The following MYO5B variants were observed in gnomAD, a reference collection of about 807,000 sequenced individuals.
MYO5B encodes myosin VB.
A neutral mutation model predicts 229.3 loss-of-function variants in MYO5B; 143 were observed. The observed-to-expected ratio is 0.62, with a 90% CI of 0.54 to 0.72. The LOEUF (loss-of-function observed/expected upper bound fraction) is 0.72, where lower values mean the gene tolerates loss of function less well. MYO5B is among the 30% of genes least tolerant of loss of function. MYO5B has a pLI of 0.00. For missense variants in MYO5B, 2,321 were observed against 2,331.0 expected, an observed-to-expected ratio of 1.00 and a Z score of 0.09; for synonymous variants, 918 against 885.2, an observed-to-expected ratio of 1.04 and a Z score of -0.66.
chr18:50,058,334 G>A (rs945502359), intron 1 of MYO5B, among the ~76,000 whole-genome samples: 20 of 152,252 alleles, frequency 1.3e-4, no homozygotes, highest in Middle Eastern at 3.4e-3. Flanking sequence ...GCCAGATGTG[G>A]TGGTACATGC....
At chr18:50,084,066 A>C (rs2031276294) in intron 1 of MYO5B, among the ~76,000 whole-genome samples, 1 of 152,156 alleles carries the variant, frequency 6.6e-6, no homozygotes, top group Admixed American at 6.5e-5. Flanking sequence ...TATATGAGAG[A>C]ATTCCATGGC....
rs558497341 is a variant in MYO5B at position 49,836,989 on chromosome 18, A to C, written c.5139-104T>G. Reference sequence around the variant, plus strand: ...CAGGCCCGCTGCAGCTAGTGCCATTATTTATCTCACACGGTTAAAAAGCAT... The same window carrying C: ...CAGGCCCGCTGCAGCTAGTGCCATTCTTTATCTCACACGGTTAAAAAGCAT... On this transcript the variant is annotated intron_variant, in intron 37 of 39. Transcript: ENST00000285039. 186 of 1,103,966 alleles carry C rather than the reference A, an allele frequency of 1.7e-4. 3 individuals are homozygous for C. The Middle Eastern group carries it at 2.5e-3, about 15-fold the overall frequency. The allele number at this position is 1,103,966 out of a possible 1,614,324, so 68.4% of individuals were successfully genotyped here. A position where few individuals can be genotyped will look rare whatever the true frequency, so the allele number is the denominator to read the frequency against.
At chr18:50,182,314 G>A (rs1315998939) in intron 1 of MYO5B, among the ~76,000 whole-genome samples, 1 of 152,156 alleles carries the variant, frequency 6.6e-6, no homozygotes, top group East Asian at 1.9e-4. Flanking sequence ...ATCCATACAT[G>A]CCCCCACCTC....
At chr18:49,837,867 C>A in intron 36 of MYO5B, 65 bp from the exon 37 acceptor site, 1 of 1,572,748 alleles carries the variant, frequency 6.4e-7, no homozygotes, top group South Asian at 1.1e-5. Flanking sequence ...TTGGACCACT[C>A]AAATCATTTA....
chr18:49,981,062 G>A (rs2025808924), intron 8 of MYO5B, among the ~76,000 whole-genome samples: 1 of 152,254 alleles, frequency 6.6e-6, no homozygotes, highest in Non-Finnish European at 1.5e-5. Flanking sequence ...CTGGCCCCTG[G>A]CCATCCCCAG....
At chr18:49,871,376 G>A (rs990587317) in intron 27 of MYO5B, among the ~76,000 whole-genome samples, 3 of 152,156 alleles carry the variant, frequency 2.0e-5, no homozygotes, top group Admixed American at 1.3e-4. Flanking sequence ...ATAACATTAT[G>A]AGTGTATTTA....
chr18:50,035,014 C>T, intron 4 of MYO5B, among the ~76,000 whole-genome samples: 1 of 152,134 alleles, frequency 6.6e-6, no homozygotes, highest in East Asian at 1.9e-4. Context: ...ACACCCATCA[C>T]CCCAGACTCC....
At chr18:50,178,445 A>G (rs2033027166) in intron 1 of MYO5B, among the ~76,000 whole-genome samples, 1 of 152,258 alleles carries the variant, frequency 6.6e-6, no homozygotes, top group South Asian at 2.1e-4. Flanking sequence ...CACAGTACTC[A>G]GCAACAGAAA....
Position 49,872,208 on chromosome 18 carries a change from C to A in MYO5B, c.3562G>T (p.Asp1188Tyr), listed in dbSNP as rs201172517. The A allele has an allele frequency of 6.2e-7, 1 of 1,614,026 alleles. No individual in the cohort carries two copies. Among genetic ancestry groups the A allele is most frequent in the Non-Finnish European group, 8.5e-7 (1 of 1,180,010 alleles). ...GCCAGATCTGCATTCGGGTCCAAAT[C>A]TATGTCAGTCTGTGGTGGTTCCGCC... The part of the protein sequence containing the change: ...VQAEPPQTDI[D>Y]LDPNADLAYN... The change falls in exon 27 of 40, where the codon GAT becomes TAT. Residue 1188 changes from aspartate (D) to tyrosine (Y), a missense_variant. Coordinates refer to ENST00000285039, the MANE Select transcript of MYO5B (RefSeq NM_001080467.3).
intron 1 of MYO5B, among the ~76,000 whole-genome samples, chr18:50,173,502 C>T (rs2032949088): frequency 6.6e-6 from 1 of 152,110 alleles, no homozygotes; most frequent in African/African-American, 2.4e-5. Context: ...GCACAGAGAA[C>T]AGACTGGAAG....
intron 12 of MYO5B, among the ~76,000 whole-genome samples, chr18:49,960,072 C>T (rs953266546): frequency 6.6e-5 from 10 of 152,028 alleles, no homozygotes; most frequent in African/African-American, 2.4e-4. Context: ...GGGAGTGCTC[C>T]CTGCACACTC....
intron 1 of MYO5B, among the ~76,000 whole-genome samples, chr18:50,182,916 C>T (rs1029414911): frequency 1.3e-5 from 2 of 152,182 alleles, no homozygotes; most frequent in East Asian, 1.9e-4. Flanking sequence ...CAAAACCCCA[C>T]CCTGGGAACT....
chr18:50,047,391 T>C (rs1435356701), intron 2 of MYO5B, among the ~76,000 whole-genome samples: 2 of 152,154 alleles, frequency 1.3e-5, no homozygotes, highest in African/African-American at 4.8e-5. Context: ...CACAATGAGA[T>C]ACCATCTCAC....
chr18:49,869,178 C>T (rs1414245972), intron 27 of MYO5B, among the ~76,000 whole-genome samples: 1 of 152,180 alleles, frequency 6.6e-6, no homozygotes, highest in East Asian at 1.9e-4. Flanking sequence ...CATCCCTTTG[C>T]ACACTTCAGA....
At chr18:50,179,927 G>T (rs1481976452) in intron 1 of MYO5B, among the ~76,000 whole-genome samples, 1 of 152,176 alleles carries the variant, frequency 6.6e-6, no homozygotes, top group African/African-American at 2.4e-5. Context: ...CATCCTGTTG[G>T]TGGTATCAAT....
At chr18:50,009,095 G>A (rs980715135) in intron 4 of MYO5B, among the ~76,000 whole-genome samples, 27 of 152,166 alleles carry the variant, frequency 1.8e-4, no homozygotes, top group African/African-American at 6.0e-4. Context: ...TAGTATATAT[G>A]TGCCGAGCGC....
chr18:49,899,973 T>C (rs984233444), intron 21 of MYO5B, among the ~76,000 whole-genome samples: 1 of 152,262 alleles, frequency 6.6e-6, no homozygotes, highest in African/African-American at 2.4e-5. Context: ...CTTTGATTTT[T>C]CAAGCACGTG....
intron 1 of MYO5B, among the ~76,000 whole-genome samples, chr18:50,152,864 T>TAAAAAA (rs67858852): frequency 6.4e-5 from 8 of 125,388 alleles, no homozygotes; most frequent in Admixed American, 1.6e-4. Flanking sequence ...TTCTCAAAAC[T>TAAAAAA]AAAAAAAAAA....
chr18:50,125,166 G>T (rs2032138332), intron 1 of MYO5B, among the ~76,000 whole-genome samples: 3 of 152,044 alleles, frequency 2.0e-5, no homozygotes, highest in Non-Finnish European at 2.9e-5. Flanking sequence ...TTTCTCAAGG[G>T]CACTATGCTG....
Sources: allele counts gnomAD v4.1 joint callset (sites outside exome capture counted in the v4.1 genomes callset), GRCh38; gene constraint gnomAD v4.1.1; transcripts MANE v1.5; gene names NCBI Gene and HGNC (gene_info 2026-07-23, HGNC 2026-07-21).